SMARCC1: variants seen among roughly 807,000 people sequenced by gnomAD.
SMARCC1 encodes the protein SWI/SNF related BAF chromatin remodeling complex subunit C1.
In SMARCC1, 43 loss-of-function variants were observed where a neutral mutation model predicts 147.4. The observed-to-expected ratio is 0.29, with a 90% confidence interval of 0.23 to 0.38. The LOEUF (loss-of-function observed/expected upper bound fraction) is 0.38, where lower values mean the gene tolerates loss of function less well. Ranked by LOEUF, SMARCC1 falls within the 10% of genes least tolerant of loss-of-function variation. SMARCC1 has a pLI of 1.00. For missense variants in SMARCC1, 1,119 were observed against 1,381.1 expected, an observed-to-expected ratio of 0.81 and a Z score of 3.01; for synonymous variants, 495 against 484.4, an observed-to-expected ratio of 1.02 and a Z score of -0.29.
intron 6 of SMARCC1, among the ~76,000 whole-genome samples, chr3:47,723,734 T>C (rs938462196): frequency 6.6e-6 from 1 of 151,930 alleles, no homozygotes; most frequent in Admixed American, 6.6e-5. Flanking sequence ...TGCTTGAACC[T>C]GGGAGGTGGA....
chr3:47,590,048 C>G (rs2032150565), intron 27 of SMARCC1, among the ~76,000 whole-genome samples: 1 of 152,164 alleles, frequency 6.6e-6, no homozygotes, highest in African/African-American at 2.4e-5. Flanking sequence ...AAGGCTGAAG[C>G]CGAGCAAGAG....
intron 12 of SMARCC1, among the ~76,000 whole-genome samples, chr3:47,692,884 G>T (rs2033807539): frequency 6.6e-6 from 1 of 152,122 alleles, no homozygotes; most frequent in South Asian, 2.1e-4. Context: ...TGGGCGTGGT[G>T]GCGCAAGCCT....
intron 2 of SMARCC1, among the ~76,000 whole-genome samples, chr3:47,771,341 A>G (rs2034912327): frequency 1.3e-5 from 2 of 152,362 alleles, no homozygotes; most frequent in South Asian, 4.1e-4. Flanking sequence ...CGCTAGAAAC[A>G]ACGAAAACCA....
At chr3:47,753,172 C>G (rs1428996101) in intron 2 of SMARCC1, among the ~76,000 whole-genome samples, 2 of 151,398 alleles carry the variant, frequency 1.3e-5, no homozygotes, top group Non-Finnish European at 2.9e-5. Context: ...GGTAAAACCC[C>G]ATCTTAGTCG....
chr3:47,643,668 G>T (rs567226694), intron 21 of SMARCC1, among the ~76,000 whole-genome samples: 2 of 152,286 alleles, frequency 1.3e-5, no homozygotes, highest in Admixed American at 6.5e-5. Context: ...ATTTATGTTT[G>T]TGATAAAAGT....
chr3:47,595,576 C>T (rs77502618), intron 26 of SMARCC1, among the ~76,000 whole-genome samples: 6,752 of 151,946 alleles, frequency 0.044, 508 homozygotes, highest in African/African-American at 0.15. Flanking sequence ...AACACACAGC[C>T]AAGCCTAAGT....
intron 2 of SMARCC1, among the ~76,000 whole-genome samples, chr3:47,762,664 G>A (rs1391996376): frequency 6.6e-6 from 1 of 152,244 alleles, no homozygotes; most frequent in African/African-American, 2.4e-5. Flanking sequence ...GCTCACACCT[G>A]TAATCCCAGC....
intron 2 of SMARCC1, among the ~76,000 whole-genome samples, chr3:47,763,044 C>T (rs572676853): frequency 3.2e-4 from 46 of 142,910 alleles, no homozygotes; most frequent in Non-Finnish European, 5.6e-4. Flanking sequence ...CTAGCCTGGG[C>T]GACAGAGCGA....
rs556038662 is a variant in SMARCC1 at position 47,759,904 on chromosome 3, T to G, written c.315+12913A>C. 4.0e-5 allele frequency among the ~76,000 whole-genome samples: 6 copies of G among 151,766 alleles called. No homozygotes were observed. The East Asian group carries it at 1.2e-3, about 29-fold the overall frequency. On this transcript the variant is annotated intron_variant, in intron 2 of 27. Transcript: ENST00000254480. Reference sequence around the variant, plus strand: ...GTGAGCTGAGATCATGCCATTGCACTCCAGCCTGGGCAACAAAAGCGAGAC... The same window carrying G: ...GTGAGCTGAGATCATGCCATTGCACGCCAGCCTGGGCAACAAAAGCGAGAC...
chr3:47,682,850 T>C lies in SMARCC1; in HGVS notation c.1386-2342A>G, dbSNP rs1224081599. Among the ~76,000 whole-genome samples, 5 of 152,194 alleles carry C rather than the reference T, an allele frequency of 3.3e-5. No homozygotes were observed. The East Asian group carries it at 5.8e-4, about 18-fold the overall frequency. On this transcript the variant is annotated intron_variant, in intron 14 of 27. Coordinates refer to ENST00000254480, the MANE Select transcript of SMARCC1 (RefSeq NM_003074.4). The stretch of plus-strand genomic sequence containing the variant: ...ATTTTATTGTGAGCCAAAAGCAAAA[T>C]TGTGAATGTTTAAAAATTCTGAATG...
At chr3:47,772,781 G>T in intron 2 of SMARCC1, 36 bp downstream of exon 2, 1 of 1,576,620 alleles carries the variant, frequency 6.3e-7, no homozygotes, top group Non-Finnish European at 8.7e-7. Context: ...TACAGCAACT[G>T]AGGATGCCCA....
At chr3:47,637,235 T>C (rs755951310) in intron 22 of SMARCC1, among the ~76,000 whole-genome samples, 3 of 152,170 alleles carry the variant, frequency 2.0e-5, no homozygotes, top group African/African-American at 7.2e-5. Flanking sequence ...AAATGTGAAG[T>C]ACAAATATCG....
chr3:47,689,039 T>C (rs560986449), intron 13 of SMARCC1, among the ~76,000 whole-genome samples: 1 of 151,706 alleles, frequency 6.6e-6, no homozygotes, highest in Admixed American at 6.6e-5. Context: ...AAAAACTCCA[T>C]CTCTACAAAA....
Position 47,636,060 on chromosome 3 carries a change from T to C in SMARCC1, c.2453A>G (p.Lys818Arg). ...QDGENEKNSE[K>R]EQDSEVSEDT... ...CTCACTCACTTCACTATCCTGTTCC[T>C]TTTCACTATTTTTTTCATTTTCTCC... The change falls in exon 23 of 28, where the codon AAG (lysine) becomes AGG (arginine). Residue 818 changes from lysine (K) to arginine (R), a missense_variant. Coordinates refer to ENST00000254480, the MANE Select transcript of SMARCC1 (RefSeq NM_003074.4). 1 of 1,605,136 alleles carries C rather than the reference T, an allele frequency of 6.2e-7. No individual in the cohort carries two copies. The highest frequency in any genetic ancestry group is 8.5e-7 in the Non-Finnish European group (1 of 1,172,486).
At chr3:47,645,305 A>T (rs2033105167) in intron 21 of SMARCC1, among the ~76,000 whole-genome samples, 1 of 152,100 alleles carries the variant, frequency 6.6e-6, no homozygotes, top group Non-Finnish European at 1.5e-5. Flanking sequence ...ACCAAAAAAA[A>T]AAAAAAACCA....
intron 24 of SMARCC1, among the ~76,000 whole-genome samples, chr3:47,622,981 A>G (rs758465323): frequency 6.6e-6 from 1 of 152,104 alleles, no homozygotes; most frequent in Non-Finnish European, 1.5e-5. Context: ...CACATTACTT[A>G]TATCTGCTTA....
At chr3:47,763,077 A>G (rs980498969) in intron 2 of SMARCC1, among the ~76,000 whole-genome samples, 1 of 152,020 alleles carries the variant, frequency 6.6e-6, no homozygotes, top group Non-Finnish European at 1.5e-5. Context: ...AAAAAAAAAA[A>G]AAGAGAAAAC....
chr3:47,663,708 CAG>C, intron 19 of SMARCC1: 6 of 1,495,316 alleles, frequency 4.0e-6, no homozygotes, highest in South Asian at 2.3e-5. Context: ...TACAGGAATC[CAG>C]AGAGTTTCAA....
At chr3:47,743,672 G>C (rs936938057) in intron 3 of SMARCC1, among the ~76,000 whole-genome samples, 1 of 151,960 alleles carries the variant, frequency 6.6e-6, no homozygotes, top group East Asian at 1.9e-4. Context: ...AATTAGCCAT[G>C]TGTGGTGGCA....
Sources: allele counts gnomAD v4.1 joint callset (sites outside exome capture counted in the v4.1 genomes callset), GRCh38; gene constraint gnomAD v4.1.1; transcripts MANE v1.5; gene names NCBI Gene and HGNC (gene_info 2026-07-23, HGNC 2026-07-21).